UBE2E1: variants seen among roughly 807,000 people sequenced by gnomAD.
The protein encoded by UBE2E1 is ubiquitin conjugating enzyme E2 E1, also known as ubiquitin-conjugating enzyme E2 E1.
In UBE2E1, 6 loss-of-function variants were observed where a neutral mutation model predicts 21.4. That is an observed-to-expected ratio of 0.28 (90% confidence interval 0.15 to 0.55). The LOEUF (loss-of-function observed/expected upper bound fraction) is 0.55, where lower values mean the gene tolerates loss of function less well. UBE2E1 is among the 20% of genes least tolerant of loss of function. UBE2E1 has a pLI of 0.93. For synonymous variants in UBE2E1, 87 were observed against 82.7 expected, an observed-to-expected ratio of 1.05 and a Z score of -0.28; for missense variants, 142 against 236.5, an observed-to-expected ratio of 0.60 and a Z score of 2.62.
rs1458225805 is a variant in UBE2E1, at chr3:23,808,364, C to G, written c.152+943C>G. 1.3e-5 allele frequency among the ~76,000 whole-genome samples: 2 copies of G among 152,176 alleles called. No individual in the cohort carries two copies. Among genetic ancestry groups the G allele is most frequent in the Non-Finnish European group, 2.9e-5 (2 of 68,030 alleles). ...TCCTAGGAGCTCTGAGACACCCTTTCATAAATCCTTCTGCTCTCAGAGTTA... is the reference window on the plus strand; with the variant it reads ...TCCTAGGAGCTCTGAGACACCCTTTGATAAATCCTTCTGCTCTCAGAGTTA... On this transcript the variant is annotated intron_variant, in intron 2 of 5. Coordinates refer to ENST00000306627, the MANE Select transcript of UBE2E1 (RefSeq NM_003341.5). The surrounding 1 kb of genome is among the most constrained non-coding windows in gnomAD (Gnocchi z 4.9).
At chr3:23,855,623 A>G (rs1700417711) in intron 3 of UBE2E1, among the ~76,000 whole-genome samples, 2 of 152,006 alleles carry the variant, frequency 1.3e-5, no homozygotes, top group South Asian at 2.1e-4. Context: ...AGGTCAGGAG[A>G]TCGAGACCAT....
At chr3:23,844,654 A>T (rs1014396074) in intron 3 of UBE2E1, among the ~76,000 whole-genome samples, 2 of 152,184 alleles carry the variant, frequency 1.3e-5, no homozygotes, top group Non-Finnish European at 2.9e-5. Context: ...CTCCATGCCC[A>T]CCAGTAGCAG....
chr3:23,844,828 T>C (rs964862407), intron 3 of UBE2E1, among the ~76,000 whole-genome samples: 1 of 152,156 alleles, frequency 6.6e-6, no homozygotes, highest in South Asian at 2.1e-4. Context: ...GAAGACGTGC[T>C]CCAATAATAC....
At chr3:23,827,174 A>T (rs1699776000) in intron 3 of UBE2E1, among the ~76,000 whole-genome samples, 1 of 152,160 alleles carries the variant, frequency 6.6e-6, no homozygotes, top group Admixed American at 6.5e-5. Flanking sequence ...ACCACCAAAT[A>T]ATAAAAAAAA....
At chr3:23,829,031 A>AG (rs1238516123) in intron 3 of UBE2E1, among the ~76,000 whole-genome samples, 3 of 152,098 alleles carry the variant, frequency 2.0e-5, no homozygotes, top group Non-Finnish European at 2.9e-5. Context: ...CTGTAGCTAG[A>AG]GGGGGGTGGC....
intron 2 of UBE2E1, 106 bp from the exon 3 acceptor site, chr3:23,811,354 T>C: frequency 9.6e-7 from 1 of 1,042,354 alleles, no homozygotes; most frequent in Non-Finnish European, 1.5e-6. Context: ...CCCAGTAGAA[T>C]CCAGTGATCG....
At chr3:23,864,615 A>G (rs1328564105) in intron 3 of UBE2E1, among the ~76,000 whole-genome samples, 1 of 151,986 alleles carries the variant, frequency 6.6e-6, no homozygotes, top group African/African-American at 2.4e-5. Flanking sequence ...TTCTTTTTTC[A>G]TAAGTGCAAT....
chr3:23,873,029 A>G (rs1338730204), intron 3 of UBE2E1, among the ~76,000 whole-genome samples: 3 of 151,980 alleles, frequency 2.0e-5, no homozygotes, highest in Non-Finnish European at 4.4e-5. Flanking sequence ...AAAAAAAAAA[A>G]TTAACCTAGA....
rs559139237 is a variant in UBE2E1, at chr3:23,873,772, G to A, written c.204-13795G>A. Among the ~76,000 whole-genome samples, 6 of 152,288 alleles carry A rather than the reference G, an allele frequency of 3.9e-5. No homozygotes were observed. The East Asian group carries it at 5.8e-4, about 15-fold the overall frequency. On this transcript the variant is annotated intron_variant, in intron 3 of 5. Coordinates refer to ENST00000306627, the MANE Select transcript of UBE2E1 (RefSeq NM_003341.5). ...AGAAAAAAAAATAAGAGACCGGCAG[G>A]AGAGTTTCAGGCTGATTGACCAGTG...
chr3:23,816,392 C>T lies in UBE2E1; in HGVS notation c.203+4882C>T, dbSNP rs1268772394. ...GGAATGAAGTTGTGATGCATGGATA[C>T]AACATGGTTGAACCTTAATGTTATA... On this transcript the variant is annotated intron_variant, in intron 3 of 5. Coordinates refer to ENST00000306627, the MANE Select transcript of UBE2E1 (RefSeq NM_003341.5). This position sits in a 1 kb window ranked among gnomAD's most constrained non-coding sequence, Gnocchi z 4.8. 6.6e-6 allele frequency among the ~76,000 whole-genome samples: 1 copy of T among 152,176 alleles called. No individual in the cohort carries two copies.
At chr3:23,890,219 A>T (rs1575050840) in intron 5 of UBE2E1, among the ~76,000 whole-genome samples, 2 of 152,040 alleles carry the variant, frequency 1.3e-5, no homozygotes, top group East Asian at 3.8e-4. Flanking sequence ...ACTCAGCCTA[A>T]CACATAAGAG....
rs1559482500 is a variant in UBE2E1 at position 23,842,253 on chromosome 3, T to TGG, written c.203+30743_203+30744insGG. Among the ~76,000 whole-genome samples, 3 of 56,752 alleles carry TGG rather than the reference T, an allele frequency of 5.3e-5. No homozygotes were observed. The highest frequency in any genetic ancestry group is 8.4e-5 in the Non-Finnish European group (2 of 23,886). The allele number at this position is 56,752 out of a possible 152,430, so 37.2% of individuals were successfully genotyped here. ...TGTGTGTGTGTGTGTGTGTGTGGTG[T>TGG]TGTTGTTGTTGGCGACAGGGTCTCA... On this transcript the variant is annotated intron_variant, in intron 3 of 5. Transcript: ENST00000306627. The surrounding 1 kb of genome is among the most constrained non-coding windows in gnomAD (Gnocchi z 4.6).
chr3:23,843,296 T>C (rs998346696), intron 3 of UBE2E1, among the ~76,000 whole-genome samples: 4 of 152,166 alleles, frequency 2.6e-5, no homozygotes, highest in African/African-American at 4.8e-5. Flanking sequence ...TCCTAACATA[T>C]TGCTTAGCAT....
chr3:23,855,103 TAGAG>T (rs1240346554), intron 3 of UBE2E1, among the ~76,000 whole-genome samples: 3 of 152,200 alleles, frequency 2.0e-5, no homozygotes, highest in East Asian at 1.9e-4. Context: ...AATCCAAAAA[TAGAG>T]AGTTCATTAT....
chr3:23,844,018 C>T (rs1489375629), intron 3 of UBE2E1, among the ~76,000 whole-genome samples: 1 of 151,930 alleles, frequency 6.6e-6, no homozygotes, highest in Non-Finnish European at 1.5e-5. Context: ...ATTTTTTATG[C>T]TCTTAGGGCT....
At chr3:23,860,863 G>A (rs2125313384) in intron 3 of UBE2E1, among the ~76,000 whole-genome samples, 1 of 152,284 alleles carries the variant, frequency 6.6e-6, no homozygotes, top group South Asian at 2.1e-4. Context: ...GTAACTAATG[G>A]TGAACATTCT....
rs72625899 is a variant in UBE2E1 at position 23,819,214 on chromosome 3, A to G, written c.203+7704A>G. ...CAGGAGAATCGCTTGAACCCGGGAG[A>G]CAGGGGTTGCAGTGAACCAAGATTG... On this transcript the variant is annotated intron_variant, in intron 3 of 5. Transcript: ENST00000306627. Among the ~76,000 whole-genome samples the G allele has an allele frequency of 3.6e-3, 541 of 152,110 alleles. 11 individuals are homozygous for G. The East Asian group carries it at 0.044, about 12-fold the overall frequency.
At chr3:23,873,754 A>G (rs1700854400) in intron 3 of UBE2E1, among the ~76,000 whole-genome samples, 1 of 152,214 alleles carries the variant, frequency 6.6e-6, no homozygotes, top group African/African-American at 2.4e-5. Context: ...TCAAGAAAAA[A>G]AAATAAGAGA....
At chr3:23,807,459 T>A in intron 2 of UBE2E1, 38 bp downstream of exon 2, 1 of 1,592,732 alleles carries the variant, frequency 6.3e-7, no homozygotes, top group Non-Finnish European at 8.5e-7. Context: ...GCTTCCTATT[T>A]CCGAACTGCC....
Sources: gnomAD v4.1 joint callset for allele counts (sites outside exome capture counted in the v4.1 genomes callset) on GRCh38, gnomAD v4.1.1 for gene constraint, Gnocchi (gnomAD v3.1) non-coding constraint, MANE v1.5 for transcripts, NCBI Gene and HGNC (gene_info 2026-07-23, HGNC 2026-07-21) for gene names.